CNTNAP2: variants seen among roughly 807,000 people sequenced by gnomAD.
The protein encoded by CNTNAP2 is contactin associated protein 2.
Under a neutral mutation model 155.2 loss-of-function variants are expected in CNTNAP2, and 98 were observed. The observed-to-expected ratio is 0.63, with a 90% confidence interval of 0.54 to 0.75. The LOEUF is 0.75. CNTNAP2 is among the 30% of genes least tolerant of loss of function. The pLI is 0.00. For synonymous variants in CNTNAP2, 651 were observed against 631.2 expected (o/e 1.03, Z -0.47); for missense variants, 1,727 against 1,688.1 (o/e 1.02, Z -0.40).
chr7:147,139,055 A>G (rs1269612677), intron 8 of CNTNAP2, among the ~76,000 whole-genome samples: 1 of 152,044 alleles, frequency 6.6e-6, no homozygotes, highest in Non-Finnish European at 1.5e-5. Flanking sequence ...TAGCCCAGGA[A>G]CTCCAAAAAT....
intron 11 of CNTNAP2, among the ~76,000 whole-genome samples, chr7:147,550,867 T>A (rs1217106448): frequency 6.6e-6 from 1 of 152,182 alleles, no homozygotes; most frequent in Non-Finnish European, 1.5e-5. Flanking sequence ...CATATAGATA[T>A]AGTATATACG....
intron 1 of CNTNAP2, among the ~76,000 whole-genome samples, chr7:146,412,890 C>T (rs939545484): frequency 4.6e-5 from 7 of 152,066 alleles, no homozygotes; most frequent in African/African-American, 1.4e-4. Context: ...TGACTGCTTC[C>T]CTTTTATCTG....
At chr7:146,483,754 T>C (rs1206328970) in intron 1 of CNTNAP2, among the ~76,000 whole-genome samples, 1 of 152,132 alleles carries the variant, frequency 6.6e-6, no homozygotes. Context: ...TTTGTACAGC[T>C]GTACAACGTG....
In CNTNAP2 at chr7:147,537,535, C is replaced by T. The variant is rs528082544; in HGVS notation, c.1778-24603C>T. On this transcript the variant is annotated intron_variant, in intron 11 of 23. Coordinates refer to ENST00000361727, the MANE Select transcript of CNTNAP2 (RefSeq NM_014141.6). ...ATATGTAATAGTGGGGCCTTACTTA[C>T]CTACAAAGGCCATCTCTGTCATTTT... Among the ~76,000 whole-genome samples the T allele has an allele frequency of 4.6e-5, 7 of 151,960 alleles. No individual in the cohort carries two copies. In the East Asian group the frequency reaches 1.4e-3, roughly 29 times the overall value.
chr7:146,352,588 C>T (rs549187406), intron 1 of CNTNAP2, among the ~76,000 whole-genome samples: 4 of 151,878 alleles, frequency 2.6e-5, no homozygotes, highest in East Asian at 1.9e-4. Flanking sequence ...AATCATTAAT[C>T]GGCCCATGGC....
intron 8 of CNTNAP2, among the ~76,000 whole-genome samples, chr7:147,246,314 T>C (rs1804067225): frequency 6.6e-6 from 1 of 152,024 alleles, no homozygotes; most frequent in Admixed American, 6.6e-5. Context: ...GTTCAGGCCT[T>C]CAGCTGATTG....
chr7:147,591,473 A>G (rs544008508), intron 12 of CNTNAP2, among the ~76,000 whole-genome samples: 2 of 152,254 alleles, frequency 1.3e-5, no homozygotes, highest in South Asian at 4.1e-4. Context: ...ATATCGTCAA[A>G]TTCTAAAGCA....
chr7:147,786,486 T>G (rs1797741945), intron 13 of CNTNAP2, among the ~76,000 whole-genome samples: 1 of 152,112 alleles, frequency 6.6e-6, no homozygotes, highest in African/African-American at 2.4e-5. Context: ...CAGGCATGAC[T>G]AGAAACTTAA....
chr7:146,276,648 T>G (rs889530650), intron 1 of CNTNAP2, among the ~76,000 whole-genome samples: 5 of 152,182 alleles, frequency 3.3e-5, no homozygotes, highest in Non-Finnish European at 7.3e-5. Flanking sequence ...TAGCCTGCCC[T>G]GCCAACAGGC....
At chr7:147,797,167 A>G (rs1490112160) in intron 13 of CNTNAP2, among the ~76,000 whole-genome samples, 1 of 152,178 alleles carries the variant, frequency 6.6e-6, no homozygotes, top group Non-Finnish European at 1.5e-5. Flanking sequence ...ATTCTCGTTG[A>G]GGGAACATCA....
At chr7:147,674,745 T>C (rs1795841465) in intron 13 of CNTNAP2, among the ~76,000 whole-genome samples, 1 of 152,172 alleles carries the variant, frequency 6.6e-6, no homozygotes, top group Admixed American at 6.6e-5. Context: ...CAATATAGAC[T>C]ATAGGTTGTT....
intron 10 of CNTNAP2, among the ~76,000 whole-genome samples, chr7:147,431,045 C>A: frequency 7.7e-6 from 1 of 130,022 alleles, no homozygotes. Flanking sequence ...AGTGAGACTC[C>A]ATCTCAAAAA....
chr7:147,415,767 C>T (rs1471669754), intron 10 of CNTNAP2, among the ~76,000 whole-genome samples: 1 of 152,146 alleles, frequency 6.6e-6, no homozygotes, highest in African/African-American at 2.4e-5. Context: ...GGAGCATAAC[C>T]ATTGAATGAC....
At chr7:148,230,660 A>C (rs1433204941) in intron 20 of CNTNAP2, among the ~76,000 whole-genome samples, 1 of 152,196 alleles carries the variant, frequency 6.6e-6, no homozygotes. Flanking sequence ...TCTTTTGAGC[A>C]CTGGTGGATG....
chr7:146,667,367 G>T (rs956822301), intron 1 of CNTNAP2, among the ~76,000 whole-genome samples: 5 of 152,106 alleles, frequency 3.3e-5, no homozygotes, highest in Non-Finnish European at 7.4e-5. Context: ...GTACCATGCT[G>T]TTTTGGTTAC....
chr7:148,150,268 G>T (rs1008349805), intron 17 of CNTNAP2, among the ~76,000 whole-genome samples: 4 of 151,970 alleles, frequency 2.6e-5, no homozygotes, highest in Admixed American at 2.6e-4. Flanking sequence ...AAAAATTAGG[G>T]CTGGGCGCAG....
At chr7:148,210,798 T>C (rs1241944601) in intron 18 of CNTNAP2, among the ~76,000 whole-genome samples, 1 of 152,120 alleles carries the variant, frequency 6.6e-6, no homozygotes, top group Non-Finnish European at 1.5e-5. Context: ...ATGTTGTTAG[T>C]CCAAAAAGAT....
chr7:146,424,164 C>T (rs1563078387), intron 1 of CNTNAP2, among the ~76,000 whole-genome samples: 1 of 152,148 alleles, frequency 6.6e-6, no homozygotes, highest in African/African-American at 2.4e-5. Context: ...CAGCTGTACT[C>T]AGTGGGATTC....
intron 1 of CNTNAP2, among the ~76,000 whole-genome samples, chr7:146,162,985 C>T (rs1257561653): frequency 6.6e-6 from 1 of 152,038 alleles, no homozygotes; most frequent in Non-Finnish European, 1.5e-5. Flanking sequence ...GGGTGGGGAA[C>T]ATCACACACT....
Sources: gnomAD v4.1 joint callset for allele counts (sites outside exome capture counted in the v4.1 genomes callset) on GRCh38, gnomAD v4.1.1 for gene constraint, MANE v1.5 for transcripts, NCBI Gene and HGNC (gene_info 2026-07-23, HGNC 2026-07-21) for gene names.